The following USP24 variants were observed in gnomAD, a reference collection of about 807,000 sequenced individuals.
The protein encoded by USP24 is ubiquitin specific peptidase 24.
Under a neutral mutation model 361.6 loss-of-function variants are expected in USP24, and 97 were observed. That is an observed-to-expected ratio of 0.27 (90% CI 0.23 to 0.32). USP24 has a LOEUF of 0.32. USP24 is among the 10% of genes least tolerant of loss of function. The pLI is 1.00. For missense variants in USP24, 2,353 were observed against 3,165.6 expected (o/e 0.74, Z 6.16); for synonymous variants, 1,098 against 1,124.6 (o/e 0.98, Z 0.47).
chr1:55,130,825 G>A (rs1407130411), intron 31 of USP24, among the ~76,000 whole-genome samples: 1 of 152,176 alleles, frequency 6.6e-6, no homozygotes, highest in Non-Finnish European at 1.5e-5. Context: ...AAAAGTTAAT[G>A]AACAAATTGC....
At chr1:55,081,486 G>C in intron 58 of USP24, 62 bp from the exon 59 acceptor site, 1 of 1,469,084 alleles carries the variant, frequency 6.8e-7, no homozygotes, top group Non-Finnish European at 9.5e-7. Flanking sequence ...TGAAGAGGAA[G>C]GGACAGGGTT....
intron 59 of USP24, among the ~76,000 whole-genome samples, chr1:55,080,983 G>A (rs1165700041): frequency 5.3e-5 from 8 of 152,082 alleles, no homozygotes; most frequent in Admixed American, 6.6e-5. Flanking sequence ...ACGAAACTAG[G>A]AGACTCCAGC....
intron 28 of USP24, among the ~76,000 whole-genome samples, chr1:55,137,196 G>A (rs76055432): frequency 0.029 from 4,425 of 152,270 alleles, 155 homozygotes; most frequent in African/African-American, 0.082. Context: ...AAGAAGATGA[G>A]GACTAAGAGG....
rs758853462 is a variant in USP24, at chr1:55,123,503, G to A, written c.4220C>T (p.Ala1407Val). Reference sequence around the variant, plus strand: ...AACAAGAAGAGACAAAGCCTCTCCCGCAATCAGCGAGTCTTTGGTGGATAC... The same window carrying A: ...AACAAGAAGAGACAAAGCCTCTCCCACAATCAGCGAGTCTTTGGTGGATAC... ...QSVSTKDSLI[A>V]GEALSLLVTC... The change falls in exon 36 of 68, where the codon GCG becomes GTG. Residue 1407 changes from alanine to valine, a missense_variant. Physicochemically the swap from Ala to Val is moderately conservative, Grantham distance 64 (BLOSUM62 0). This residue lies in a region of USP24 where 949 missense variants were observed against 1,280.5 expected (regional missense o/e 0.74). Transcript: ENST00000294383. 22 of 1,603,810 alleles carry A rather than the reference G, an allele frequency of 1.4e-5. No individual in the cohort carries two copies. Among genetic ancestry groups the A allele is most frequent in the South Asian group, 1.0e-4 (9 of 88,538 alleles).
chr1:55,121,102 T>G (rs968913916), intron 37 of USP24, among the ~76,000 whole-genome samples: 76 of 152,360 alleles, frequency 5.0e-4, no homozygotes, highest in African/African-American at 1.6e-3. Context: ...GGGTTGAGGT[T>G]GATCTTTCCT....
chr1:55,116,460 C>T (rs1230107843), intron 38 of USP24, among the ~76,000 whole-genome samples: 2 of 151,644 alleles, frequency 1.3e-5, no homozygotes, highest in Non-Finnish European at 2.9e-5. Flanking sequence ...GATCAAATTA[C>T]TAAACTCAGA....
chr1:55,142,694 A>G, intron 23 of USP24, 48 bp downstream of exon 23: 1 of 1,257,254 alleles, frequency 8.0e-7, no homozygotes, highest in Non-Finnish European at 1.1e-6. Flanking sequence ...TTATGAAAGA[A>G]AAAAAGCATT....
rs544896149 is a variant in USP24, at chr1:55,198,208, C to G, written c.324+16582G>C. Among the ~76,000 whole-genome samples the G allele has an allele frequency of 3.5e-3, 538 of 151,964 alleles. 3 individuals carry two copies. Among genetic ancestry groups the G allele is most frequent in the Middle Eastern group, 0.01 (3 of 294 alleles). Reference sequence around the variant, plus strand: ...TGTTGCCCAGGCTGGTCTCAAATACCTCACTTCAAGCAATCCTCCTACCTT... The same window carrying G: ...TGTTGCCCAGGCTGGTCTCAAATACGTCACTTCAAGCAATCCTCCTACCTT... On this transcript the variant is annotated intron_variant, in intron 1 of 67. Transcript: ENST00000294383.
chr1:55,202,478 C>T (rs1404922346), intron 1 of USP24, among the ~76,000 whole-genome samples: 2 of 151,714 alleles, frequency 1.3e-5, no homozygotes, highest in Non-Finnish European at 2.9e-5. Context: ...GATCTCGGCT[C>T]ACTGCAAACT....
intron 1 of USP24, among the ~76,000 whole-genome samples, chr1:55,196,865 G>A (rs1178430951): frequency 6.6e-6 from 1 of 152,150 alleles, no homozygotes; most frequent in Non-Finnish European, 1.5e-5. Flanking sequence ...TGGCCTCCCT[G>A]CTGCTCCTCC....
chr1:55,213,080 CATA>C lies in USP24; in HGVS notation c.324+1707_324+1709del, dbSNP rs150128869. 3.3e-3 allele frequency among the ~76,000 whole-genome samples: 505 copies of C among 152,294 alleles called. 1 individual carries two copies. Among genetic ancestry groups the C allele is most frequent in the African/African-American group, 0.011 (470 of 41,540 alleles). The stretch of plus-strand genomic sequence containing the variant: ...AAGAAAAAAAGAATCACATTTCTCA[CATA>C]ATGAGGATACACTGAGCTTTGCAGA... On this transcript the variant is annotated intron_variant, in intron 1 of 67. Transcript: ENST00000294383.
rs150595954 is a variant in USP24, at chr1:55,168,973, A to G, written c.826-2370T>C. On this transcript the variant is annotated intron_variant, in intron 5 of 67. Coordinates refer to ENST00000294383, the MANE Select transcript of USP24 (RefSeq NM_015306.3). ...AATGAACAAACAAATAAGTATACAT[A>G]TATTTCCATACACCTACATACATAC... Among the ~76,000 whole-genome samples, 873 of 152,260 alleles carry G rather than the reference A, an allele frequency of 5.7e-3. 5 individuals carry two copies. The highest frequency in any genetic ancestry group is 0.018 in the African/African-American group (744 of 41,560).
At chr1:55,083,928 C>T (rs747570854) in intron 56 of USP24, 40 bp from the exon 57 acceptor site, 10 of 1,435,312 alleles carry the variant, frequency 7.0e-6, no homozygotes, top group African/African-American at 2.9e-5. Context: ...AGAAAAAGAA[C>T]GTAAGACAGA....
At chr1:55,128,713 CTTT>C (rs869191004) in intron 32 of USP24, among the ~76,000 whole-genome samples, 6 of 124,858 alleles carry the variant, frequency 4.8e-5, no homozygotes, top group Non-Finnish European at 5.2e-5. Flanking sequence ...GCTTTAATAC[CTTT>C]TTTTTTTTTT....
In USP24 at chr1:55,092,045, G is replaced by A; in HGVS notation, c.6532C>T (p.Leu2178=). The A allele has an allele frequency of 6.2e-7, 1 of 1,611,118 alleles. No individual in the cohort carries two copies. The highest frequency in any genetic ancestry group is 1.3e-5 in the African/African-American group (1 of 75,012). Residue 2178 remains leucine (L), a synonymous_variant, in exon 54 of 68, where the codon CTA becomes TTA. Coordinates refer to ENST00000294383, the MANE Select transcript of USP24 (RefSeq NM_015306.3). Reference sequence around the variant, plus strand: ...CACCTGAGTTTCTTCTTTGTCCGTAGATAAGTTTGAAAAAGGAATTGAATA... The same window carrying A: ...CACCTGAGTTTCTTCTTTGTCCGTAAATAAGTTTGAAAAAGGAATTGAATA... ...LAIQFLFQTY[L]RTKKKLRVDT...
rs1491499233 is a variant in USP24 at position 55,071,707 on chromosome 1, C to CA, written c.7800+106dup. On this transcript the variant is annotated intron_variant, in intron 67 of 67. Transcript: ENST00000294383. Reference sequence around the variant, plus strand: ...GGCAGCGCTGGTAACTCTTTGGACTCACATTCCAGAGGAAGCATCTTGTTT... The same window carrying CA: ...GGCAGCGCTGGTAACTCTTTGGACTCAACATTCCAGAGGAAGCATCTTGTTT... The CA allele has an allele frequency of 6.5e-6, 8 of 1,223,666 alleles. No homozygotes were observed. The East Asian group carries it at 2.0e-4, about 31-fold the overall frequency. 75.8% of individuals were successfully genotyped at this position (1,223,666 alleles called of 1,614,324 possible). A position where few individuals can be genotyped will look rare whatever the true frequency, so the allele number is the denominator to read the frequency against.
At chr1:55,083,244 C>A (rs1418860473) in intron 58 of USP24, 28 bp downstream of exon 58, 1 of 1,604,682 alleles carries the variant, frequency 6.2e-7, no homozygotes, top group South Asian at 1.1e-5. Flanking sequence ...CATAGCTATT[C>A]CACTAGGGAT....
intron 38 of USP24, among the ~76,000 whole-genome samples, chr1:55,112,543 T>G (rs962890553): frequency 4.6e-5 from 7 of 152,232 alleles, no homozygotes; most frequent in Admixed American, 1.3e-4. Flanking sequence ...CCAGTAGTCA[T>G]TCAGGAGCAG....
intron 38 of USP24, among the ~76,000 whole-genome samples, chr1:55,115,290 G>A (rs1367269347): frequency 6.6e-6 from 1 of 151,784 alleles, no homozygotes; most frequent in Non-Finnish European, 1.5e-5. Flanking sequence ...AGGCCGAGGC[G>A]GGCGAATCAC....
Sources: allele counts gnomAD v4.1 joint callset (sites outside exome capture counted in the v4.1 genomes callset), GRCh38; gene constraint gnomAD v4.1.1; regional missense constraint gnomAD v4.1.1; transcripts MANE v1.5; gene names NCBI Gene and HGNC (gene_info 2026-07-23, HGNC 2026-07-21).